Variants in RAD51B observed in about 807,000 individuals in gnomAD.
RAD51B encodes the protein RAD51 paralog B, also known as DNA repair protein RAD51 homolog 2.
RAD51B carries 38 observed loss-of-function variants against 42.2 expected under a neutral mutation model. The observed-to-expected ratio is 0.90, with a 90% CI of 0.70 to 1.18. The LOEUF is 1.18. RAD51B is among the 50% of genes most tolerant of loss of function. The probability of loss-of-function intolerance (pLI) is 0.00; values close to 1 mark genes in which losing one functional copy is unlikely to be tolerated. For missense variants in RAD51B, 373 were observed against 400.7 expected, an observed-to-expected ratio of 0.93 and a Z score of 0.59; for synonymous variants, 154 against 145.2, an observed-to-expected ratio of 1.06 and a Z score of -0.43.
At chr14:68,599,017 A>C (rs1891112991), downstream of RAD51B, among the ~76,000 whole-genome samples, 1 of 152,192 alleles carries the variant, frequency 6.6e-6, no homozygotes, top group African/African-American at 2.4e-5. Context: ...TCAGGAACAC[A>C]GCAGCACTTT....
At chr14:68,638,705 C>G (rs1222132104) in intron 10 of RAD51B, among the ~76,000 whole-genome samples, 2 of 151,996 alleles carry the variant, frequency 1.3e-5, no homozygotes, top group Non-Finnish European at 2.9e-5. Context: ...AAAAGGGTGC[C>G]GAGCAAACCT....
At chr14:68,120,566 C>G (rs2077631882) in intron 7 of RAD51B, among the ~76,000 whole-genome samples, 1 of 152,246 alleles carries the variant, frequency 6.6e-6, no homozygotes, top group South Asian at 2.1e-4. Flanking sequence ...AGACCCTTGT[C>G]CCCTGCCTTT....
At chr14:68,271,900 G>A (rs1259011542) in intron 7 of RAD51B, among the ~76,000 whole-genome samples, 1 of 152,128 alleles carries the variant, frequency 6.6e-6, no homozygotes, top group Non-Finnish European at 1.5e-5. Context: ...TAGAACTCTG[G>A]GAGCCTCCCA....
At chr14:68,496,670 C>T (rs779664299) in intron 10 of RAD51B, among the ~76,000 whole-genome samples, 1 of 152,230 alleles carries the variant, frequency 6.6e-6, no homozygotes, top group Non-Finnish European at 1.5e-5. Context: ...TGCCTTCTGG[C>T]GCATGGCAGG....
intron 7 of RAD51B, among the ~76,000 whole-genome samples, chr14:68,007,238 C>T (rs2075605898): frequency 6.6e-6 from 1 of 152,106 alleles, no homozygotes; most frequent in South Asian, 2.1e-4. Context: ...AATAATATTT[C>T]AGTGTATGGA....
At chr14:68,226,412 T>C (rs551726075) in intron 7 of RAD51B, among the ~76,000 whole-genome samples, 1 of 152,314 alleles carries the variant, frequency 6.6e-6, no homozygotes, top group East Asian at 1.9e-4. Context: ...CCCACCCAAA[T>C]CTCACCTTGA....
chr14:68,390,080 A>C (rs1170023010), intron 8 of RAD51B, among the ~76,000 whole-genome samples: 1 of 152,178 alleles, frequency 6.6e-6, no homozygotes, highest in Non-Finnish European at 1.5e-5. Context: ...TCATCTCCAC[A>C]TCTGTTTGGG....
intron 7 of RAD51B, among the ~76,000 whole-genome samples, chr14:67,967,546 A>G (rs897772688): frequency 1.3e-5 from 2 of 152,216 alleles, no homozygotes; most frequent in Admixed American, 1.3e-4. Context: ...GATGGGAGAA[A>G]TTGGCTAAAA....
At chr14:68,432,153 G>T (rs1566880593) in intron 9 of RAD51B, among the ~76,000 whole-genome samples, 1 of 152,214 alleles carries the variant, frequency 6.6e-6, no homozygotes, top group Non-Finnish European at 1.5e-5. Context: ...CATTTACTGA[G>T]AAGTGCTTTA....
intron 8 of RAD51B, among the ~76,000 whole-genome samples, chr14:68,332,529 T>C (rs1173754240): frequency 6.6e-6 from 1 of 152,212 alleles, no homozygotes; most frequent in African/African-American, 2.4e-5. Flanking sequence ...CTGAGAAAGT[T>C]TGGGACAGCA....
At chr14:68,603,525 T>TG (rs1891310845) in intron 10 of RAD51B, among the ~76,000 whole-genome samples, 1 of 152,176 alleles carries the variant, frequency 6.6e-6, no homozygotes, top group Non-Finnish European at 1.5e-5. Flanking sequence ...CTTTTCGATT[T>TG]GGGGGTCTGT....
At position 67,835,579 on chromosome 14, in the gene RAD51B, T is replaced by TATATGTA. The variant is rs2041213815; in HGVS notation, c.315+391_315+397dup. On this transcript the variant is annotated intron_variant, in intron 4 of 10. Coordinates refer to ENST00000471583, the MANE Select transcript of RAD51B (RefSeq NM_133510.4). ...ATATGTAATATATACACATATGTCA[T>TATATGTA]ATATGTAATATGTATGCACATAAAT... 6.6e-5 allele frequency among the ~76,000 whole-genome samples: 5 copies of TATATGTA among 75,268 alleles called. No individual in the cohort carries two copies. In the South Asian group the frequency reaches 1.7e-3, roughly 26 times the overall value. The allele number at this position is 75,268 out of a possible 152,430, so 49.4% of individuals were successfully genotyped here.
At position 68,115,468 on chromosome 14, in the gene RAD51B, C is replaced by T. The variant is rs1399404030; in HGVS notation, c.757-176416C>T. 3.3e-3 allele frequency among the ~76,000 whole-genome samples: 417 copies of T among 125,818 alleles called. 7 individuals are homozygous for T. Among genetic ancestry groups the T allele is most frequent in the Admixed American group, 0.028 (346 of 12,314 alleles). 82.5% of individuals were successfully genotyped at this position (125,818 alleles called of 152,430 possible). ...CTAGATGACGAGTTAGTGGGTGCAGCGCACCAGCATGGCACATGTATACAT... is the reference window on the plus strand; with the variant it reads ...CTAGATGACGAGTTAGTGGGTGCAGTGCACCAGCATGGCACATGTATACAT... On this transcript the variant is annotated intron_variant, in intron 7 of 10. Coordinates refer to ENST00000471583, the MANE Select transcript of RAD51B (RefSeq NM_133510.4).
chr14:68,452,106 C>T (rs139221041), intron 9 of RAD51B, among the ~76,000 whole-genome samples: 4 of 152,192 alleles, frequency 2.6e-5, no homozygotes, highest in East Asian at 3.9e-4. Flanking sequence ...TTGTGGATGG[C>T]GCTGGGAAAT....
intron 10 of RAD51B, among the ~76,000 whole-genome samples, chr14:68,610,411 C>A (rs564196469): frequency 2.6e-5 from 4 of 152,358 alleles, no homozygotes; most frequent in African/African-American, 9.6e-5. Flanking sequence ...TCTCCCTGTC[C>A]TTGGACACAG....
intron 10 of RAD51B, among the ~76,000 whole-genome samples, chr14:68,587,617 T>TC (rs947910960): frequency 2.7e-5 from 4 of 147,220 alleles, no homozygotes; most frequent in African/African-American, 1.0e-4. Context: ...AGCACATCCA[T>TC]CCCCCCCGAG....
chr14:68,147,040 C>T (rs1320103209), intron 7 of RAD51B, among the ~76,000 whole-genome samples: 1 of 152,124 alleles, frequency 6.6e-6, no homozygotes, highest in Admixed American at 6.5e-5. Context: ...TTGAGACTCG[C>T]CACTTAGAAC....
intron 10 of RAD51B, among the ~76,000 whole-genome samples, chr14:68,576,899 G>A (rs1263843514): frequency 6.6e-6 from 1 of 152,188 alleles, no homozygotes; most frequent in South Asian, 2.1e-4. Flanking sequence ...TCAAGATCAA[G>A]ATAAAATATT....
intron 7 of RAD51B, among the ~76,000 whole-genome samples, chr14:68,113,327 G>C (rs1483045036): frequency 1.3e-5 from 2 of 152,064 alleles, no homozygotes; most frequent in African/African-American, 4.8e-5. Flanking sequence ...TAAGAGTTTT[G>C]AACAAGTAGT....
Sources: gnomAD v4.1 joint callset for allele counts (sites outside exome capture counted in the v4.1 genomes callset) on GRCh38, gnomAD v4.1.1 for gene constraint, MANE v1.5 for transcripts, NCBI Gene and HGNC (gene_info 2026-07-23, HGNC 2026-07-21) for gene names.